NLGN1: variants seen among roughly 807,000 people sequenced by gnomAD.
NLGN1 encodes the protein neuroligin 1.
A neutral mutation model predicts 65.5 loss-of-function variants in NLGN1; 12 were observed. The ratio of observed to expected loss-of-function variants is 0.18; its 90% confidence interval spans 0.12 to 0.30. NLGN1 has a LOEUF of 0.30. Among genes scored for constraint, NLGN1 ranks in the 10% least tolerant of loss-of-function variants. The pLI, the probability that NLGN1 is intolerant of heterozygous loss-of-function variation, is 1.00. For synonymous variants in NLGN1, 350 were observed against 359.5 expected (o/e 0.97, Z 0.30); for missense variants, 750 against 1,007.1 (o/e 0.74, Z 3.46).
chr3:173,640,411 T>C (rs1017337591), intron 3 of NLGN1, among the ~76,000 whole-genome samples: 2 of 152,136 alleles, frequency 1.3e-5, no homozygotes, highest in Admixed American at 1.3e-4. Flanking sequence ...ATACATATCA[T>C]TTATATTTAT....
intron 2 of NLGN1, among the ~76,000 whole-genome samples, chr3:173,533,467 T>G (rs1736923346): frequency 6.6e-6 from 1 of 152,166 alleles, no homozygotes; most frequent in Non-Finnish European, 1.5e-5. Flanking sequence ...CTCCCCATTC[T>G]CTGAGATGTG....
intron 4 of NLGN1, among the ~76,000 whole-genome samples, chr3:173,925,359 A>G (rs1742809118): frequency 6.6e-6 from 1 of 152,214 alleles, no homozygotes; most frequent in Admixed American, 6.6e-5. Flanking sequence ...TAAAGAATTC[A>G]GAGAGTAGGA....
chr3:173,548,023 A>G (rs1386638426), intron 2 of NLGN1, among the ~76,000 whole-genome samples: 1 of 151,838 alleles, frequency 6.6e-6, no homozygotes, highest in African/African-American at 2.4e-5. Flanking sequence ...CTCCCACTAT[A>G]ATAACTTATT....
intron 2 of NLGN1, among the ~76,000 whole-genome samples, chr3:173,490,801 G>A (rs807155): frequency 0.11 from 16,328 of 151,758 alleles, 958 homozygotes; most frequent in Admixed American, 0.18. Flanking sequence ...CCTTGAAGAG[G>A]TCCTTCACAT....
intron 4 of NLGN1, among the ~76,000 whole-genome samples, chr3:174,196,922 C>T (rs973542810): frequency 2.6e-5 from 4 of 152,140 alleles, no homozygotes; most frequent in African/African-American, 9.7e-5. Flanking sequence ...TTCCCAAGGC[C>T]TTTCAGCTTG....
At chr3:173,408,164 T>G (rs1045916183) in intron 1 of NLGN1, among the ~76,000 whole-genome samples, 1 of 152,152 alleles carries the variant, frequency 6.6e-6, no homozygotes, top group Non-Finnish European at 1.5e-5. Context: ...GCCCAAGCAC[T>G]CTTTCCATAA....
intron 3 of NLGN1, among the ~76,000 whole-genome samples, chr3:173,737,861 A>G (rs193047091): frequency 2.6e-5 from 4 of 152,156 alleles, no homozygotes; most frequent in African/African-American, 9.6e-5. Context: ...GCATCATTTT[A>G]CATTCTCACC....
At chr3:174,034,357 C>G (rs1730672410) in intron 4 of NLGN1, among the ~76,000 whole-genome samples, 1 of 151,730 alleles carries the variant, frequency 6.6e-6, no homozygotes, top group Non-Finnish European at 1.5e-5. Context: ...TGATATATGT[C>G]AGAAACTTGG....
chr3:173,958,122 C>T (rs1013112835), intron 4 of NLGN1, among the ~76,000 whole-genome samples: 1 of 152,166 alleles, frequency 6.6e-6, no homozygotes. Context: ...GCTCCTAGGT[C>T]TGGGATCCCC....
intron 3 of NLGN1, among the ~76,000 whole-genome samples, chr3:173,609,292 C>G (rs1269162457): frequency 1.3e-5 from 2 of 151,968 alleles, no homozygotes; most frequent in African/African-American, 2.4e-5. Context: ...ACTTGCTTTT[C>G]TATTTACCCC....
chr3:174,255,435 C>CAAAAAAAAAA (rs71162383), intron 4 of NLGN1, among the ~76,000 whole-genome samples: 14 of 70,224 alleles, frequency 2.0e-4, no homozygotes, highest in South Asian at 6.6e-4. Context: ...GACTCTGTCT[C>CAAAAAAAAAA]AAAAAAAAAA....
At chr3:174,029,868 T>G (rs916231741) in intron 4 of NLGN1, among the ~76,000 whole-genome samples, 1 of 152,180 alleles carries the variant, frequency 6.6e-6, no homozygotes, top group Non-Finnish European at 1.5e-5. Flanking sequence ...GATGTGACTT[T>G]GCTCCTCATT....
At chr3:174,053,455 T>C (rs1440840919) in intron 4 of NLGN1, among the ~76,000 whole-genome samples, 1 of 152,150 alleles carries the variant, frequency 6.6e-6, no homozygotes, top group Admixed American at 6.6e-5. Context: ...TTTGACATCA[T>C]ATTTAATTGA....
chr3:173,592,208 G>A (rs1293244191), intron 2 of NLGN1, among the ~76,000 whole-genome samples: 1 of 152,030 alleles, frequency 6.6e-6, no homozygotes, highest in African/African-American at 2.4e-5. Context: ...CCTGAAAATA[G>A]TTTCAGAATA....
intron 4 of NLGN1, among the ~76,000 whole-genome samples, chr3:174,109,358 A>G (rs1714689493): frequency 6.6e-6 from 1 of 151,750 alleles, no homozygotes; most frequent in Admixed American, 6.6e-5. Context: ...TTTGTGTACC[A>G]TTTTCTAGTT....
chr3:173,498,206 C>A (rs1203001823), intron 2 of NLGN1, among the ~76,000 whole-genome samples: 1 of 151,184 alleles, frequency 6.6e-6, no homozygotes, highest in Non-Finnish European at 1.5e-5. Context: ...CCTCCCCACT[C>A]CCCCCACCCC....
chr3:174,061,189 A>G (rs969243990), intron 4 of NLGN1, among the ~76,000 whole-genome samples: 1 of 152,124 alleles, frequency 6.6e-6, no homozygotes, highest in African/African-American at 2.4e-5. Flanking sequence ...TAAAAGGTCA[A>G]GCAGAAAGTT....
intron 4 of NLGN1, among the ~76,000 whole-genome samples, chr3:173,834,861 G>A (rs547940113): frequency 1.3e-5 from 2 of 152,026 alleles, no homozygotes; most frequent in African/African-American, 4.8e-5. Context: ...GGGCACTTAC[G>A]AAACTCAACA....
At chr3:173,603,608 A>G (rs1750913535) in intron 2 of NLGN1, among the ~76,000 whole-genome samples, 1 of 152,134 alleles carries the variant, frequency 6.6e-6, no homozygotes, top group African/African-American at 2.4e-5. Flanking sequence ...CCCTTTTACA[A>G]ATTGTATCTA....
Sources: allele counts gnomAD v4.1 joint callset (sites outside exome capture counted in the v4.1 genomes callset), GRCh38; gene constraint gnomAD v4.1.1; transcripts MANE v1.5; gene names NCBI Gene and HGNC (gene_info 2026-07-23, HGNC 2026-07-21).